The following ADD2 variants were observed in gnomAD, a reference collection of about 807,000 sequenced individuals.
ADD2 encodes adducin 2.
Under a neutral mutation model 83.0 loss-of-function variants are expected in ADD2, and 23 were observed. The ratio of observed to expected loss-of-function variants is 0.28; its 90% CI spans 0.20 to 0.39. ADD2 has a LOEUF of 0.39. Ranked by LOEUF, ADD2 falls within the 10% of genes least tolerant of loss-of-function variation. ADD2 has a pLI of 1.00. For missense variants in ADD2, 758 were observed against 944.9 expected (o/e 0.80, Z 2.59); for synonymous variants, 375 against 375.4 (o/e 1.00, Z 0.01).
chr2:70,738,088 A>G (rs868983149), intron 1 of ADD2, among the ~76,000 whole-genome samples: 5 of 152,218 alleles, frequency 3.3e-5, no homozygotes, highest in South Asian at 2.1e-4. Context: ...TTGTTTCTGC[A>G]GCTTGTTTAA....
At chr2:70,740,630 A>AC (rs1553380898) in intron 1 of ADD2, among the ~76,000 whole-genome samples, 1 of 151,268 alleles carries the variant, frequency 6.6e-6, no homozygotes, top group African/African-American at 2.4e-5. Flanking sequence ...TTTTGTGGGG[A>AC]TTTTTTTGTT....
intron 1 of ADD2, among the ~76,000 whole-genome samples, chr2:70,764,688 GT>G (rs1675290207): frequency 6.6e-6 from 1 of 151,942 alleles, no homozygotes; most frequent in Admixed American, 6.5e-5. Context: ...GGAGGGAGAG[GT>G]GGGAGGATCG....
In ADD2 at chr2:70,736,776, G is replaced by GTTT. The variant is rs201172481; in HGVS notation, c.-153-23595_-153-23593dup. ...ATCTATTTCTCCCCACTGTGTTGCT[G>GTTT]TTTTTTTTTTTTTAAGTTGAATGAA... On this transcript the variant is annotated intron_variant, in intron 1 of 15. Coordinates refer to ENST00000264436, the MANE Select transcript of ADD2 (RefSeq NM_001617.4). Among the ~76,000 whole-genome samples, 66 of 143,506 alleles carry GTTT rather than the reference G, an allele frequency of 4.6e-4. 2 individuals carry two copies. The highest frequency in any genetic ancestry group is 1.4e-3 in the African/African-American group (55 of 39,720). 94.1% of individuals were successfully genotyped at this position (143,506 alleles called of 152,430 possible).
intron 1 of ADD2, among the ~76,000 whole-genome samples, chr2:70,714,691 A>G (rs368791463): frequency 1.5e-4 from 23 of 152,138 alleles, no homozygotes; most frequent in African/African-American, 5.1e-4. Flanking sequence ...CCTTTCTCCA[A>G]TGGCCTCCCT....
intron 1 of ADD2, among the ~76,000 whole-genome samples, chr2:70,727,879 G>T (rs554431236): frequency 6.4e-4 from 96 of 149,010 alleles, no homozygotes; most frequent in Non-Finnish European, 1.2e-3. Context: ...CTGGGCGACA[G>T]AGGGAGACTC....
chr2:70,675,712 G>A, intron 13 of ADD2: 1 of 985,454 alleles, frequency 1.0e-6, no homozygotes, highest in Non-Finnish European at 1.2e-6. Context: ...CAGGTCTTCT[G>A]CCCCTGGGCC....
chr2:70,708,663 T>G (rs1553374973), intron 2 of ADD2, among the ~76,000 whole-genome samples: 1 of 152,234 alleles, frequency 6.6e-6, no homozygotes, highest in Non-Finnish European at 1.5e-5. Context: ...TATCATACAC[T>G]TGGCCTGGGA....
chr2:70,723,752 G>A (rs1313103454), intron 1 of ADD2, among the ~76,000 whole-genome samples: 2 of 152,194 alleles, frequency 1.3e-5, no homozygotes, highest in South Asian at 2.1e-4. Flanking sequence ...ACAAAATGCT[G>A]TGCCCAGCCG....
rs1457482466 is a variant in ADD2 at position 70,677,791 on chromosome 2, A to G, written c.1470T>C (p.Thr490=). Residue 490 remains threonine (T), a synonymous_variant, in exon 12 of 16, where the codon ACT becomes ACC. Coordinates refer to ENST00000264436, the MANE Select transcript of ADD2 (RefSeq NM_001617.4). Reference sequence around the variant, plus strand: ...TCATCTCCAGTACTTCCTGGGGGTCAGTATAGAGAGGCACAAATTGGTTTG... The same window carrying G: ...TCATCTCCAGTACTTCCTGGGGGTCGGTATAGAGAGGCACAAATTGGTTTG... The part of the protein sequence containing the change: ...ENPNQFVPLY[T]DPQEVLEMRN... 17 of 1,614,116 alleles carry G rather than the reference A, an allele frequency of 1.1e-5. No homozygotes were observed. The African/African-American group carries it at 1.9e-4, about 18-fold the overall frequency.
chr2:70,756,400 A>G (rs915907775), intron 1 of ADD2, among the ~76,000 whole-genome samples: 1 of 152,208 alleles, frequency 6.6e-6, no homozygotes, highest in Non-Finnish European at 1.5e-5. Context: ...GGAGCCCCAG[A>G]TAACAATTCA....
intron 10 of ADD2, 53 bp from the exon 11 acceptor site, chr2:70,679,014 C>G: frequency 6.5e-7 from 1 of 1,539,192 alleles, no homozygotes; most frequent in Non-Finnish European, 8.8e-7. Flanking sequence ...AGGCCTGTAC[C>G]TGCACATACA....
At position 70,739,283 on chromosome 2, in the gene ADD2, G is replaced by C. The variant is rs184108796; in HGVS notation, c.-153-26099C>G. Among the ~76,000 whole-genome samples, 3 of 152,258 alleles carry C rather than the reference G, an allele frequency of 2.0e-5. No individual in the cohort carries two copies. The East Asian group carries it at 5.8e-4, about 29-fold the overall frequency. On this transcript the variant is annotated intron_variant, in intron 1 of 15. Coordinates refer to ENST00000264436, the MANE Select transcript of ADD2 (RefSeq NM_001617.4). ...GTGGCCAACAAGCATATGAAAAAAA[G>C]CTCAATATCACTGATAATTAGAGGG...
chr2:70,696,724 G>A (rs1346816452), intron 4 of ADD2, among the ~76,000 whole-genome samples: 1 of 152,176 alleles, frequency 6.6e-6, no homozygotes, highest in Non-Finnish European at 1.5e-5. Context: ...ATCAAAGCAA[G>A]AATAAACCTC....
rs192546623 is a variant in ADD2, at chr2:70,686,728, G to A, written c.948+1296C>T. ...AGTCAGTGGTCAGAGCTTAGGGCCA[G>A]AATCTTTGGTTGGGCAGCAGCCGGA... On this transcript the variant is annotated intron_variant, in intron 9 of 15. Coordinates refer to ENST00000264436, the MANE Select transcript of ADD2 (RefSeq NM_001617.4). Among the ~76,000 whole-genome samples the A allele has an allele frequency of 2.0e-5, 3 of 152,290 alleles. No individual in the cohort carries two copies. The East Asian group carries it at 5.8e-4, about 29-fold the overall frequency.
chr2:70,729,337 G>C (rs1673165829), intron 1 of ADD2, among the ~76,000 whole-genome samples: 1 of 152,198 alleles, frequency 6.6e-6, no homozygotes, highest in Non-Finnish European at 1.5e-5. Context: ...AGGTCTCTGA[G>C]CCACTTCCCC....
chr2:70,738,768 C>T (rs1158991454), intron 1 of ADD2, among the ~76,000 whole-genome samples: 1 of 152,164 alleles, frequency 6.6e-6, no homozygotes, highest in Non-Finnish European at 1.5e-5. Context: ...CACCTCTAGG[C>T]TACTTGTAAA....
Position 70,706,388 on chromosome 2 carries a change from G to A in ADD2, c.21C>T (p.Pro7=), listed in dbSNP as rs782347196. The A allele has an allele frequency of 2.4e-5, 39 of 1,609,178 alleles. No homozygotes were observed. The highest frequency in any genetic ancestry group is 3.3e-5 in the Admixed American group (2 of 59,796). ...GCGGGGGCGGCGGCGAGGCAGCCTC[G>A]GGGACCGTCTCTTCGCTCATTTTCC... The part of the protein sequence containing the change: MSEETV[P]EAASPPPPQG... The change falls in exon 3 of 16, where the codon CCC becomes CCT. Residue 7 remains proline (P), a synonymous_variant. Transcript: ENST00000264436. This position sits in a 1 kb window ranked among gnomAD's most constrained non-coding sequence, Gnocchi z 5.0.
intron 1 of ADD2, among the ~76,000 whole-genome samples, chr2:70,735,135 TTTA>T (rs1558568299): frequency 6.6e-6 from 1 of 151,888 alleles, no homozygotes. Flanking sequence ...TTATAATTGC[TTTA>T]TTATTATTAT....
intron 1 of ADD2, among the ~76,000 whole-genome samples, chr2:70,736,915 G>T (rs1673596032): frequency 6.6e-6 from 1 of 152,026 alleles, no homozygotes; most frequent in African/African-American, 2.4e-5. Flanking sequence ...GTGGGTGAAG[G>T]ATATGAACAG....
Sources: gnomAD v4.1 joint callset for allele counts (sites outside exome capture counted in the v4.1 genomes callset) on GRCh38, gnomAD v4.1.1 for gene constraint, Gnocchi (gnomAD v3.1) non-coding constraint, MANE v1.5 for transcripts, NCBI Gene and HGNC (gene_info 2026-07-23, HGNC 2026-07-21) for gene names.